The following DIP2B variants were observed in gnomAD, a reference collection of about 807,000 sequenced individuals.
DIP2B encodes the protein disco-interacting protein 2 homolog B.
Under a neutral mutation model 198.0 loss-of-function variants are expected in DIP2B, and 76 were observed. The ratio of observed to expected loss-of-function variants is 0.38; its 90% CI spans 0.32 to 0.46. The LOEUF (loss-of-function observed/expected upper bound fraction) is 0.46, where lower values mean the gene tolerates loss of function less well. Among genes scored for constraint, DIP2B ranks in the 20% least tolerant of loss-of-function variants. The pLI is 0.99. For synonymous variants in DIP2B, 701 were observed against 739.1 expected (o/e 0.95, Z 0.84); for missense variants, 1,559 against 1,978.4 (o/e 0.79, Z 4.02).
chr12:50,593,707 C>CCTCCCCTCCT (rs1565836994), intron 1 of DIP2B, among the ~76,000 whole-genome samples: 1 of 27,380 alleles, frequency 3.7e-5, no homozygotes, highest in East Asian at 2.1e-3. Context: ...TCTCCTCTCC[C>CCTCCCCTCCT]CTCCTCTCCT....
At chr12:50,577,214 A>G (rs1958670193) in intron 1 of DIP2B, among the ~76,000 whole-genome samples, 1 of 152,170 alleles carries the variant, frequency 6.6e-6, no homozygotes, top group Non-Finnish European at 1.5e-5. Context: ...AGTTATATGT[A>G]TCCCTGTTGA....
chr12:50,719,286 A>G (rs1398265624), intron 25 of DIP2B, among the ~76,000 whole-genome samples: 3 of 152,236 alleles, frequency 2.0e-5, no homozygotes, highest in Non-Finnish European at 4.4e-5. Flanking sequence ...CAGTTCTGAT[A>G]GGAGAAATGG....
chr12:50,595,750 T>A (rs1191416351), intron 1 of DIP2B, among the ~76,000 whole-genome samples: 1 of 152,230 alleles, frequency 6.6e-6, no homozygotes, highest in Non-Finnish European at 1.5e-5. Context: ...GTGTATTGAT[T>A]TACATTATAA....
At chr12:50,653,328 C>CTTTTT (rs71086465) in intron 3 of DIP2B, among the ~76,000 whole-genome samples, 31 of 116,206 alleles carry the variant, frequency 2.7e-4, no homozygotes, top group Non-Finnish European at 3.2e-4. Context: ...GTCTTTCTTT[C>CTTTTT]TTTTTTTTTT....
chr12:50,529,124 G>T (rs575658125), intron 1 of DIP2B, among the ~76,000 whole-genome samples: 3 of 152,238 alleles, frequency 2.0e-5, no homozygotes, highest in East Asian at 3.9e-4. Context: ...ATAGGATACT[G>T]TAAACAACTA....
chr12:50,623,620 C>A (rs999367252), intron 1 of DIP2B, among the ~76,000 whole-genome samples: 4 of 151,896 alleles, frequency 2.6e-5, no homozygotes, highest in Non-Finnish European at 4.4e-5. Flanking sequence ...TGCAAACATA[C>A]CTATTACTGT....
At chr12:50,731,092 T>C (rs1277159402) in intron 30 of DIP2B, among the ~76,000 whole-genome samples, 1 of 152,226 alleles carries the variant, frequency 6.6e-6, no homozygotes, top group Non-Finnish European at 1.5e-5. Context: ...GAATTACCTT[T>C]CCAGAATGTT....
intron 1 of DIP2B, among the ~76,000 whole-genome samples, chr12:50,563,276 G>A (rs559753936): frequency 1.3e-5 from 2 of 152,018 alleles, no homozygotes; most frequent in South Asian, 2.1e-4. Flanking sequence ...AGTCTGCCCC[G>A]CCTGGGCTCA....
intron 2 of DIP2B, among the ~76,000 whole-genome samples, chr12:50,639,314 C>A (rs1938213754): frequency 6.6e-6 from 1 of 151,994 alleles, no homozygotes; most frequent in South Asian, 2.1e-4. Flanking sequence ...GGTTGTCTTC[C>A]CCCTCACCTA....
rs370253167 is a variant in DIP2B at position 50,542,938 on chromosome 12, G to A, written c.100+37698G>A. Among the ~76,000 whole-genome samples the A allele has an allele frequency of 4.6e-5, 7 of 152,208 alleles. No individual in the cohort carries two copies. In the East Asian group the frequency reaches 7.7e-4, roughly 17 times the overall value. On this transcript the variant is annotated intron_variant, in intron 1 of 37. Transcript: ENST00000301180. ...GCTGGAGTGCAGTGGCACAGTCTTG[G>A]CTCATTGCACCCTCTGCTTCCCAAC...
At chr12:50,592,578 A>G (rs951091412) in intron 1 of DIP2B, among the ~76,000 whole-genome samples, 33 of 150,876 alleles carry the variant, frequency 2.2e-4, no homozygotes, top group African/African-American at 7.8e-4. Flanking sequence ...CCTGAGTTCC[A>G]GCAATTCTCC....
At chr12:50,662,114 A>G (rs528578322) in intron 4 of DIP2B, among the ~76,000 whole-genome samples, 12 of 152,204 alleles carry the variant, frequency 7.9e-5, no homozygotes, top group Non-Finnish European at 1.6e-4. Context: ...GTTGTGGCCT[A>G]ATGTTCTTGA....
intron 2 of DIP2B, among the ~76,000 whole-genome samples, chr12:50,631,652 C>T (rs995993004): frequency 1.3e-5 from 2 of 152,276 alleles, no homozygotes; most frequent in East Asian, 1.9e-4. Context: ...AGGTTGGTCT[C>T]GAACTCTTGG....
intron 1 of DIP2B, among the ~76,000 whole-genome samples, chr12:50,599,022 G>T (rs1489492438): frequency 6.9e-6 from 1 of 144,518 alleles, no homozygotes; most frequent in Non-Finnish European, 1.5e-5. Flanking sequence ...GGGCACAGTG[G>T]CTCAGGCCTG....
chr12:50,535,218 T>C (rs1958252888), intron 1 of DIP2B, among the ~76,000 whole-genome samples: 1 of 151,888 alleles, frequency 6.6e-6, no homozygotes, highest in Non-Finnish European at 1.5e-5. Context: ...TGAGACAGAG[T>C]GTGAGCCTAT....
intron 1 of DIP2B, among the ~76,000 whole-genome samples, chr12:50,591,516 T>TA (rs780479109): frequency 1.3e-3 from 194 of 152,232 alleles, no homozygotes; most frequent in Middle Eastern, 0.01. Context: ...CAGCTCACTG[T>TA]ATCCTTTGCC....
intron 1 of DIP2B, among the ~76,000 whole-genome samples, chr12:50,522,500 T>G (rs1958129539): frequency 6.6e-6 from 1 of 152,112 alleles, no homozygotes; most frequent in South Asian, 2.1e-4. Context: ...GACAATTAAA[T>G]GTGCCAGTTC....
intron 17 of DIP2B, 85 bp from the exon 18 acceptor site, chr12:50,698,243 C>T: frequency 6.7e-7 from 1 of 1,487,864 alleles, no homozygotes; most frequent in Non-Finnish European, 9.0e-7. Flanking sequence ...GGTATTGTAG[C>T]CAGAGGAAAT....
At chr12:50,736,063 A>G (rs1213362155) in intron 34 of DIP2B, among the ~76,000 whole-genome samples, 1 of 152,180 alleles carries the variant, frequency 6.6e-6, no homozygotes, top group African/African-American at 2.4e-5. Flanking sequence ...TAATGATGAT[A>G]CCTCAGAATC....
Sources: gnomAD v4.1 joint callset for allele counts (sites outside exome capture counted in the v4.1 genomes callset) on GRCh38, gnomAD v4.1.1 for gene constraint, MANE v1.5 for transcripts, NCBI Gene and HGNC (gene_info 2026-07-23, HGNC 2026-07-21) for gene names.